PPIP5K2: variants seen among roughly 807,000 people sequenced by gnomAD.
PPIP5K2 encodes the protein inositol hexakisphosphate and diphosphoinositol-pentakisphosphate kinase 2.
Under a neutral mutation model 154.6 loss-of-function variants are expected in PPIP5K2, and 105 were observed. The observed-to-expected ratio is 0.68, with a 90% CI of 0.58 to 0.80. The LOEUF (loss-of-function observed/expected upper bound fraction) is 0.80, where lower values mean the gene tolerates loss of function less well. Among genes scored for constraint, PPIP5K2 ranks in the 30% least tolerant of loss-of-function variants. The pLI, the probability that PPIP5K2 is intolerant of heterozygous loss-of-function variation, is 0.00. For synonymous variants in PPIP5K2, 480 were observed against 490.3 expected, an observed-to-expected ratio of 0.98 and a Z score of 0.28; for missense variants, 992 against 1,504.6, an observed-to-expected ratio of 0.66 and a Z score of 5.64.
At position 103,160,405 on chromosome 5, in the gene PPIP5K2, A is replaced by T. The variant is rs116880162; in HGVS notation, c.1920+1077A>T. 8.0e-3 allele frequency among the ~76,000 whole-genome samples: 1,223 copies of T among 152,240 alleles called. 39 individuals carry two copies. The East Asian group carries it at 0.088, about 11-fold the overall frequency. Reference sequence around the variant, plus strand: ...TTGGCTATTTTTTAAGGTTCATAGAACATGTTTTATTTTATATTTGGCTTC... The same window carrying T: ...TTGGCTATTTTTTAAGGTTCATAGATCATGTTTTATTTTATATTTGGCTTC... On this transcript the variant is annotated intron_variant, in intron 17 of 30. Transcript: ENST00000358359.
chr5:103,157,434 A>G (rs925443616), intron 14 of PPIP5K2, among the ~76,000 whole-genome samples: 2 of 152,184 alleles, frequency 1.3e-5, no homozygotes, highest in East Asian at 1.9e-4. Flanking sequence ...AGGCTCTGTC[A>G]TCTCACATCT....
intron 5 of PPIP5K2, among the ~76,000 whole-genome samples, chr5:103,145,072 A>C (rs1554208720): frequency 6.6e-6 from 1 of 152,126 alleles, no homozygotes; most frequent in African/African-American, 2.4e-5. Context: ...GAAAAAAAAA[A>C]TCTAATTAAA....
rs1554203357 is a variant in PPIP5K2 at position 103,133,609 on chromosome 5, T to C, written c.271T>C (p.Trp91Arg). ...TATTTTGAATGAACCAGTGGAAAAC[T>C]GGCCTTTATGTGATTGTCTTATTTC... ...EVILNEPVENWPLCDCLISFH... is the reference protein window; with the variant it reads ...EVILNEPVENRPLCDCLISFH... Residue 91 changes from tryptophan (W) to arginine (R), a missense_variant, in exon 3 of 31, where the codon TGG (tryptophan) becomes CGG (arginine). Physicochemically the swap from Trp to Arg is moderately radical, Grantham distance 101. Around this residue, in one of 9 missense-constraint regions of PPIP5K2, gnomAD observed 153 missense variants for 200.4 expected, o/e 0.76. Coordinates refer to ENST00000358359, the MANE Select transcript of PPIP5K2 (RefSeq NM_001276277.3). 1 of 1,610,068 alleles carries C rather than the reference T, an allele frequency of 6.2e-7. No homozygotes were observed. The highest frequency in any genetic ancestry group is 8.5e-7 in the Non-Finnish European group (1 of 1,178,724).
chr5:103,184,706 C>A lies in PPIP5K2; in HGVS notation c.3131C>A (p.Pro1044Gln). 3 of 1,612,570 alleles carry A rather than the reference C, an allele frequency of 1.9e-6. No homozygotes were observed. The highest frequency in any genetic ancestry group is 2.5e-6 in the Non-Finnish European group (3 of 1,178,918). ...VSENANYLRT[P>Q]RTLVEQKQNP... ...GAAAATGCTAATTACCTGAGAACACCAAGAACTCTTGTGGAACAGAAGCAG... is the reference window on the plus strand; with the variant it reads ...GAAAATGCTAATTACCTGAGAACACAAAGAACTCTTGTGGAACAGAAGCAG... The change falls in exon 26 of 31, where the codon CCA (proline) becomes CAA (glutamine). Residue 1044 changes from proline (P) to glutamine (Q), a missense_variant. Transcript: ENST00000358359.
chr5:103,174,614 T>G (rs1187182790), intron 21 of PPIP5K2, among the ~76,000 whole-genome samples: 2 of 152,026 alleles, frequency 1.3e-5, no homozygotes, highest in Admixed American at 6.6e-5. Flanking sequence ...CTCAAAATAT[T>G]GCACCTGAGT....
intron 17 of PPIP5K2, among the ~76,000 whole-genome samples, chr5:103,164,079 G>C (rs1472260209): frequency 6.6e-6 from 1 of 151,784 alleles, no homozygotes; most frequent in Non-Finnish European, 1.5e-5. Flanking sequence ...TGTTTTCTTT[G>C]TGGGAAAGTT....
At chr5:103,148,567 G>A (rs1304247710) in intron 7 of PPIP5K2, among the ~76,000 whole-genome samples, 1 of 151,938 alleles carries the variant, frequency 6.6e-6, no homozygotes, top group African/African-American at 2.4e-5. Flanking sequence ...AAATTCTCTA[G>A]TGGATCCTTA....
At chr5:103,162,605 C>T (rs1796473634) in intron 17 of PPIP5K2, among the ~76,000 whole-genome samples, 1 of 152,046 alleles carries the variant, frequency 6.6e-6, no homozygotes. Context: ...TCAAGTGATC[C>T]TCCTGCCTTG....
At chr5:103,139,097 T>C (rs544151764) in intron 5 of PPIP5K2, among the ~76,000 whole-genome samples, 1 of 152,324 alleles carries the variant, frequency 6.6e-6, no homozygotes, top group Non-Finnish European at 1.5e-5. Context: ...TAAGTATTTA[T>C]TAATATTTTA....
Position 103,211,650 on chromosome 5 carries a change from C to T in PPIP5K2, c.*10016C>T, listed in dbSNP as rs2149898134. ...TCTTGCCATTAACCCCATAGTTAATCATATGCATTTCTCACAGTGACCTGA... is the reference window on the plus strand; with the variant it reads ...TCTTGCCATTAACCCCATAGTTAATTATATGCATTTCTCACAGTGACCTGA... On this transcript the variant is annotated 3_prime_UTR_variant, in exon 31 of 31. Transcript: ENST00000358359. 1 of 152,240 alleles carries T rather than the reference C, an allele frequency of 6.6e-6. No homozygotes were observed. Among genetic ancestry groups the T allele is most frequent in the Non-Finnish European group, 1.5e-5 (1 of 67,972 alleles). 9.4% of individuals were successfully genotyped at this position (152,240 alleles called of 1,614,324 possible).
chr5:103,136,606 T>G, intron 3 of PPIP5K2, 126 bp from the exon 4 acceptor site: 1 of 704,852 alleles, frequency 1.4e-6, no homozygotes, highest in Non-Finnish European at 2.5e-6. Flanking sequence ...TTCCATACCT[T>G]TTATAGAAGG....
intron 5 of PPIP5K2, among the ~76,000 whole-genome samples, chr5:103,142,844 A>G (rs1334234830): frequency 2.0e-5 from 3 of 152,182 alleles, no homozygotes; most frequent in African/African-American, 7.2e-5. Flanking sequence ...AAGTACACAG[A>G]TAAATACATA....
intron 2 of PPIP5K2, among the ~76,000 whole-genome samples, chr5:103,131,191 T>TG (rs1790547717): frequency 6.6e-6 from 1 of 152,150 alleles, no homozygotes; most frequent in African/African-American, 2.4e-5. Context: ...ACAGTTGTCC[T>TG]TCAATATCCA....
Position 103,158,475 on chromosome 5 carries a change from T to G in PPIP5K2, c.1639T>G (p.Cys547Gly). ...GQGDYAGFPG[C>G]GLLRLHSTYR... ...AGGAGATTATGCAGGATTTCCTGGTTGTGGTTTACTTAGATTACATAGCAC... is the reference window on the plus strand; with the variant it reads ...AGGAGATTATGCAGGATTTCCTGGTGGTGGTTTACTTAGATTACATAGCAC... The change falls in exon 16 of 31, where the codon TGT (cysteine) becomes GGT (glycine). Residue 547 changes from cysteine to glycine, a missense_variant. Physicochemically the swap from Cys to Gly is radical, Grantham distance 159. Transcript: ENST00000358359. 6.2e-7 allele frequency: 1 copy of G among 1,608,054 alleles called. No homozygotes were observed. Among genetic ancestry groups the G allele is most frequent in the South Asian group, 1.1e-5 (1 of 89,212 alleles).
chr5:103,164,776 C>T (rs1796885813), intron 17 of PPIP5K2, among the ~76,000 whole-genome samples: 1 of 152,084 alleles, frequency 6.6e-6, no homozygotes, highest in Non-Finnish European at 1.5e-5. Flanking sequence ...TTGCACTTGA[C>T]ATTTTTTATA....
At position 103,201,512 on chromosome 5, in the gene PPIP5K2, T is replaced by G; in HGVS notation, c.3620-10T>G. 6.6e-7 allele frequency: 1 copy of G among 1,518,398 alleles called. No individual in the cohort carries two copies. Among genetic ancestry groups the G allele is most frequent in the Non-Finnish European group, 8.9e-7 (1 of 1,127,778 alleles). 94.1% of individuals were successfully genotyped at this position (1,518,398 alleles called of 1,614,324 possible). ...CAATAGTTTTTTTTTTTTGTTTTTG[T>G]TTTATGTAGCTACAAGTGGACCTTC... On this transcript the variant is annotated splice_polypyrimidine_tract_variant and intron_variant, in intron 30 of 30. Coordinates refer to ENST00000358359, the MANE Select transcript of PPIP5K2 (RefSeq NM_001276277.3).
rs552498632 is a variant in PPIP5K2 at position 103,179,923 on chromosome 5, G to T, written c.2755-98G>T. 1.1e-4 allele frequency: 110 copies of T among 985,602 alleles called. No individual in the cohort carries two copies. The African/African-American group carries it at 1.8e-3, about 16-fold the overall frequency. The allele number at this position is 985,602 out of a possible 1,614,324, so 61.1% of individuals were successfully genotyped here. A position where few individuals can be genotyped will look rare whatever the true frequency, so the allele number is the denominator to read the frequency against. ...CATCTGAGTAAACAAACTTGTATAT[G>T]TATTTCAAGTACCTCTACCAGTGGT... On this transcript the variant is annotated intron_variant, in intron 23 of 30. Transcript: ENST00000358359.
chr5:103,192,851 A>T (rs1056300055), intron 29 of PPIP5K2, among the ~76,000 whole-genome samples: 5 of 152,132 alleles, frequency 3.3e-5, no homozygotes, highest in Admixed American at 1.3e-4. Context: ...TTAAAATTTC[A>T]TGCAATTAGT....
chr5:103,196,089 A>C (rs575539005), intron 30 of PPIP5K2, among the ~76,000 whole-genome samples: 42 of 152,318 alleles, frequency 2.8e-4, no homozygotes, highest in Non-Finnish European at 5.7e-4. Context: ...ACTGCTATTA[A>C]TTATTATACT....
Sources: allele counts gnomAD v4.1 joint callset (sites outside exome capture counted in the v4.1 genomes callset), GRCh38; gene constraint gnomAD v4.1.1; regional missense constraint gnomAD v4.1.1; transcripts MANE v1.5; gene names NCBI Gene and HGNC (gene_info 2026-07-23, HGNC 2026-07-21).